LRRFIP1: variants seen among roughly 807,000 people sequenced by gnomAD.
LRRFIP1 encodes the protein leucine-rich repeat flightless-interacting protein 1.
A neutral mutation model predicts 104.4 loss-of-function variants in LRRFIP1; 62 were observed. The ratio of observed to expected loss-of-function variants is 0.59; its 90% CI spans 0.48 to 0.73. The LOEUF (loss-of-function observed/expected upper bound fraction) is 0.73. Ranked by LOEUF, LRRFIP1 falls within the 30% of genes least tolerant of loss-of-function variation. LRRFIP1 has a pLI of 0.00. For missense variants in LRRFIP1, 796 were observed against 824.5 expected (o/e 0.97, Z 0.42); for synonymous variants, 300 against 299.0 (o/e 1.00, Z -0.03).
Position 237,780,655 on chromosome 2 carries a change from C to G in LRRFIP1, c.*1123C>G, listed in dbSNP as rs540971392. On this transcript the variant is annotated 3_prime_UTR_variant, in exon 24 of 24. Coordinates refer to ENST00000308482, the MANE Select transcript of LRRFIP1 (RefSeq NM_001137550.2). ...GGACGTTAGCAAGTGGAAACTGAGT[C>G]AGTATCATCCAAAACCATATCTAGT... Among the ~76,000 whole-genome samples the G allele has an allele frequency of 1.3e-5, 2 of 152,186 alleles. No individual in the cohort carries two copies. The highest frequency in any genetic ancestry group is 4.8e-5 in the African/African-American group (2 of 41,440).
chr2:237,651,023 T>G (rs1449919138), intron 1 of LRRFIP1, among the ~76,000 whole-genome samples: 1 of 152,214 alleles, frequency 6.6e-6, no homozygotes, highest in Non-Finnish European at 1.5e-5. Context: ...CAGAGGCTTA[T>G]TCACAGCCCC....
intron 22 of LRRFIP1, 187 bp from the exon 23 acceptor site, chr2:237,774,171 C>T: frequency 1.7e-6 from 1 of 572,386 alleles, no homozygotes; most frequent in East Asian, 2.9e-5. Context: ...CACAGGGTCG[C>T]CCAGAAATAG....
intron 1 of LRRFIP1, among the ~76,000 whole-genome samples, chr2:237,696,537 GT>G (rs1483886650): frequency 3.9e-5 from 6 of 152,248 alleles, no homozygotes; most frequent in African/African-American, 1.4e-4. Context: ...CCCACCTGGT[GT>G]TTTATGTGAA....
chr2:237,641,439 A>G (rs147021762), intron 1 of LRRFIP1, among the ~76,000 whole-genome samples: 3,294 of 150,950 alleles, frequency 0.022, 115 homozygotes, highest in African/African-American at 0.076. Context: ...AGAGGTTGCA[A>G]TGAGCTGAGA....
intron 1 of LRRFIP1, among the ~76,000 whole-genome samples, chr2:237,652,610 G>C (rs1395019821): frequency 6.6e-6 from 1 of 152,226 alleles, no homozygotes; most frequent in East Asian, 1.9e-4. Context: ...AGACCTAAAA[G>C]CAGTGTCTCA....
chr2:237,675,748 T>C (rs2091066180), intron 1 of LRRFIP1, among the ~76,000 whole-genome samples: 1 of 152,214 alleles, frequency 6.6e-6, no homozygotes, highest in African/African-American at 2.4e-5. Context: ...ATCTTCCTTG[T>C]GACATAAAAA....
At chr2:237,748,261 G>A (rs917284688) in intron 11 of LRRFIP1, 103 bp from the exon 12 acceptor site, 2 of 907,228 alleles carry the variant, frequency 2.2e-6, no homozygotes, top group Non-Finnish European at 3.5e-6. Context: ...TACAAAGGAA[G>A]CAAATGTTTT....
At chr2:237,676,524 G>T (rs1304721366) in intron 1 of LRRFIP1, among the ~76,000 whole-genome samples, 2 of 152,020 alleles carry the variant, frequency 1.3e-5, no homozygotes, top group Non-Finnish European at 2.9e-5. Context: ...TTTGTTTTTT[G>T]AGACAGAGAC....
chr2:237,735,213 G>A lies in LRRFIP1; in HGVS notation c.490-55G>A. The A allele has an allele frequency of 6.8e-7, 1 of 1,473,454 alleles. No individual in the cohort carries two copies. The allele number at this position is 1,473,454 out of a possible 1,614,324, so 91.3% of individuals were successfully genotyped here. Reference sequence around the variant, plus strand: ...ACAGCTCACGTTTTCAGCACTTTCTGGGCACTCTTGGAGAAAGGAAGAGCG... The same window carrying A: ...ACAGCTCACGTTTTCAGCACTTTCTAGGCACTCTTGGAGAAAGGAAGAGCG... On this transcript the variant is annotated intron_variant, in intron 9 of 23. Coordinates refer to ENST00000308482, the MANE Select transcript of LRRFIP1 (RefSeq NM_001137550.2). The surrounding 1 kb of genome is among the most constrained non-coding windows in gnomAD (Gnocchi z 4.6).
At chr2:237,754,058 A>G (rs1013078903) in intron 15 of LRRFIP1, among the ~76,000 whole-genome samples, 3 of 152,190 alleles carry the variant, frequency 2.0e-5, no homozygotes, top group Non-Finnish European at 4.4e-5. Flanking sequence ...CTAGGAGAAC[A>G]TCTAAGCTAA....
chr2:237,662,349 T>A (rs1205474345), intron 1 of LRRFIP1, among the ~76,000 whole-genome samples: 1 of 152,138 alleles, frequency 6.6e-6, no homozygotes, highest in Non-Finnish European at 1.5e-5. Context: ...TAAGGCCCCA[T>A]CCACGGGTTC....
At chr2:237,729,495 G>A (rs1414791407) in intron 8 of LRRFIP1, among the ~76,000 whole-genome samples, 1 of 152,148 alleles carries the variant, frequency 6.6e-6, no homozygotes, top group South Asian at 2.1e-4. Context: ...CAGTAATTAC[G>A]AATCGTGCTA....
intron 20 of LRRFIP1, 132 bp downstream of exon 20, chr2:237,770,124 G>A: frequency 4.3e-6 from 3 of 697,542 alleles, no homozygotes; most frequent in East Asian, 5.4e-5. Flanking sequence ...GCCAACTGGT[G>A]TTCTTAAGAT....
rs185004413 is a variant in LRRFIP1 at position 237,643,846 on chromosome 2, A to G, written c.96+16106A>G. Among the ~76,000 whole-genome samples the G allele has an allele frequency of 3.7e-3, 565 of 152,358 alleles. 2 individuals are homozygous for G. Among genetic ancestry groups the G allele is most frequent in the Admixed American group, 5.2e-3 (79 of 15,306 alleles). The stretch of plus-strand genomic sequence containing the variant: ...ACAAGATTTGAAAAGGCTTGTCAGA[A>G]ATCGCTTACATATAAGTGAAGGTTT... On this transcript the variant is annotated intron_variant, in intron 1 of 23. Transcript: ENST00000308482.
intron 10 of LRRFIP1, among the ~76,000 whole-genome samples, chr2:237,738,987 T>A (rs1254400206): frequency 6.6e-6 from 1 of 152,242 alleles, no homozygotes; most frequent in Non-Finnish European, 1.5e-5. Context: ...TTGTGTTATT[T>A]TCTTCTTCCT....
chr2:237,758,781 A>G lies in LRRFIP1; in HGVS notation c.1277A>G (p.Asp426Gly). 6.2e-7 allele frequency: 1 copy of G among 1,613,552 alleles called. No individual in the cohort carries two copies. Among genetic ancestry groups the G allele is most frequent in the Non-Finnish European group, 8.5e-7 (1 of 1,179,710 alleles). Residue 426 changes from aspartate to glycine, a missense_variant, in exon 18 of 24, where the codon GAT (aspartate) becomes GGT (glycine). Asp to Gly is a moderately conservative substitution (Grantham distance 94). Coordinates refer to ENST00000308482, the MANE Select transcript of LRRFIP1 (RefSeq NM_001137550.2). ...FFDSVRSERD[D>G]LREEVVMLKE... The stretch of plus-strand genomic sequence containing the variant: ...GATTCCGTAAGGAGTGAACGGGATG[A>G]TCTTAGAGAAGAAGTAGTCATGCTG...
intron 7 of LRRFIP1, among the ~76,000 whole-genome samples, chr2:237,724,880 G>A (rs567050960): frequency 2.6e-5 from 4 of 151,902 alleles, no homozygotes; most frequent in South Asian, 2.1e-4. Context: ...GAGTTTTGAC[G>A]TCACCTTCCT....
At chr2:237,764,259 C>A (rs2060127369) in intron 19 of LRRFIP1, 2 of 1,598,684 alleles carry the variant, frequency 1.3e-6, no homozygotes, top group Non-Finnish European at 1.7e-6. Context: ...ATGACAATTA[C>A]CAGGTGCTCT....
Position 237,703,626 on chromosome 2 carries a change from C to T in LRRFIP1, c.97-4918C>T, listed in dbSNP as rs538310402. On this transcript the variant is annotated intron_variant, in intron 1 of 23. Transcript: ENST00000308482. The surrounding 1 kb of genome is among the most constrained non-coding windows in gnomAD (Gnocchi z 4.3). ...GCTCCTGTCCTGCGGATGCCTTCCC[C>T]AGCCCCCCGGGGTTGGGTCAAGTTC... 1.5e-4 allele frequency among the ~76,000 whole-genome samples: 23 copies of T among 152,106 alleles called. No homozygotes were observed. Among genetic ancestry groups the T allele is most frequent in the Non-Finnish European group, 2.8e-4 (19 of 67,996 alleles).
Sources: gnomAD v4.1 joint callset for allele counts (sites outside exome capture counted in the v4.1 genomes callset) on GRCh38, gnomAD v4.1.1 for gene constraint, Gnocchi (gnomAD v3.1) non-coding constraint, MANE v1.5 for transcripts, NCBI Gene and HGNC (gene_info 2026-07-23, HGNC 2026-07-21) for gene names.